The following ABCC3 variants were observed in gnomAD, a reference collection of about 807,000 sequenced individuals.
The protein encoded by ABCC3 is ATP binding cassette subfamily C member 3.
A neutral mutation model predicts 165.3 loss-of-function variants in ABCC3; 121 were observed. That is an observed-to-expected ratio of 0.73 (90% CI 0.63 to 0.85). The LOEUF (loss-of-function observed/expected upper bound fraction) is 0.85. Among genes scored for constraint, ABCC3 ranks in the 40% least tolerant of loss-of-function variants. The pLI is 0.00. For missense variants in ABCC3, 1,869 were observed against 1,964.1 expected (o/e 0.95, Z 0.92); for synonymous variants, 733 against 810.1 (o/e 0.90, Z 1.62).
intron 26 of ABCC3, among the ~76,000 whole-genome samples, chr17:50,682,545 T>C (rs1967947321): frequency 6.6e-6 from 1 of 152,072 alleles, no homozygotes; most frequent in African/African-American, 2.4e-5. Flanking sequence ...GAGCCATTTA[T>C]GCCTGCTGTT....
rs1967897800 is a variant in ABCC3, at chr17:50,679,868, G to C, written c.3776G>C (p.Arg1259Thr). The change falls in exon 26 of 31, where the codon AGG becomes ACG. Residue 1259 changes from arginine to threonine, a missense_variant. Coordinates refer to ENST00000285238, the MANE Select transcript of ABCC3 (RefSeq NM_003786.4). ...DLESNIVAVE[R>T]VKEYSKTETE... ...GAATCTAACATCGTGGCTGTGGAGA[G>C]GGTCAAGGAGTACTCCAAGACAGAG... 1 of 1,614,174 alleles carries C rather than the reference G, an allele frequency of 6.2e-7. No individual in the cohort carries two copies. Among genetic ancestry groups the C allele is most frequent in the Non-Finnish European group, 8.5e-7 (1 of 1,180,026 alleles).
At chr17:50,661,681 T>A (rs564025735) in intron 8 of ABCC3, among the ~76,000 whole-genome samples, 1 of 152,340 alleles carries the variant, frequency 6.6e-6, no homozygotes, top group East Asian at 1.9e-4. Context: ...TTATTGAACC[T>A]CCAGGGTACC....
chr17:50,675,579 C>T (rs1967783504), intron 20 of ABCC3, 52 bp from the exon 21 acceptor site: 4 of 1,564,146 alleles, frequency 2.6e-6, no homozygotes, highest in Non-Finnish European at 3.5e-6. Context: ...CAGCCTCTGT[C>T]CTGGGGGGTG....
intron 1 of ABCC3, among the ~76,000 whole-genome samples, chr17:50,637,633 C>A (rs1202929132): frequency 1.3e-5 from 2 of 152,248 alleles, no homozygotes; most frequent in East Asian, 1.9e-4. Context: ...GTAGCTCATC[C>A]TTATAGCTTC....
intron 1 of ABCC3, among the ~76,000 whole-genome samples, chr17:50,642,545 C>T (rs925022626): frequency 6.6e-6 from 1 of 152,202 alleles, no homozygotes; most frequent in African/African-American, 2.4e-5. Flanking sequence ...CCGTTGCCAT[C>T]GAAGTGCTTT....
At chr17:50,688,201 C>T (rs77160978) in intron 30 of ABCC3, among the ~76,000 whole-genome samples, 18,077 of 152,090 alleles carry the variant, frequency 0.12, 1,633 homozygotes, top group African/African-American at 0.25. Context: ...TGAGCCACTG[C>T]GCCCAGCTTC....
Position 50,675,994 on chromosome 17 carries a change from T to A in ABCC3, c.2971T>A (p.Trp991Arg). ...QSAAAIGANV[W>R]LSAWTNDAMA... is the part of the protein sequence containing the mutation. ...TGCGGCTGCCATTGGAGCCAATGTG[T>A]GGCTCAGTGCCTGGACAAATGATGC... is the stretch of plus-strand genomic sequence containing the variant. The change falls in exon 22 of 31, where the codon TGG (tryptophan) becomes AGG (arginine). Residue 991 changes from tryptophan (W) to arginine (R), a missense_variant. Transcript: ENST00000285238. 1 of 1,614,196 alleles carries A rather than the reference T, an allele frequency of 6.2e-7. No homozygotes were observed. The highest frequency in any genetic ancestry group is 8.5e-7 in the Non-Finnish European group (1 of 1,180,038).
At chr17:50,670,905 C>T (rs1967634182) in intron 17 of ABCC3, among the ~76,000 whole-genome samples, 1 of 152,162 alleles carries the variant, frequency 6.6e-6, no homozygotes, top group South Asian at 2.1e-4. Flanking sequence ...ACATGGAACA[C>T]TGGGGAAAAT....
chr17:50,664,059 T>G lies in ABCC3; in HGVS notation c.1286T>G (p.Leu429Arg). The change falls in exon 10 of 31, where the codon CTG becomes CGG. Residue 429 changes from leucine to arginine, a missense_variant. Physicochemically the swap from Leu to Arg is moderately radical, Grantham distance 102 (BLOSUM62 -2). Coordinates refer to ENST00000285238, the MANE Select transcript of ABCC3 (RefSeq NM_003786.4). ...ATGGACCTTGCCCCCTTCCTCAATC[T>G]GCTGTGGTCAGCACCCCTGCAGATC... ...RFMDLAPFLN[L>R]LWSAPLQIIL... 1 of 1,614,214 alleles carries G rather than the reference T, an allele frequency of 6.2e-7. No individual in the cohort carries two copies. The highest frequency in any genetic ancestry group is 8.5e-7 in the Non-Finnish European group (1 of 1,180,028).
chr17:50,684,951 A>T, intron 29 of ABCC3, 76 bp downstream of exon 29: 7 of 1,522,674 alleles, frequency 4.6e-6, no homozygotes, highest in Non-Finnish European at 6.2e-6. Context: ...GAAACCTGAC[A>T]CCAATGACAC....
intron 1 of ABCC3, among the ~76,000 whole-genome samples, chr17:50,649,596 GGAGAGGAGA>G (rs1319749100): frequency 4.7e-5 from 7 of 149,152 alleles, no homozygotes; most frequent in Admixed American, 2.0e-4. Context: ...AAGAAGGAGA[GGAGAGGAGA>G]GAGAGGAGAG....
chr17:50,645,913 A>C (rs1198801577), intron 1 of ABCC3, among the ~76,000 whole-genome samples: 1 of 152,334 alleles, frequency 6.6e-6, no homozygotes, highest in East Asian at 1.9e-4. Flanking sequence ...TATTTAAGCA[A>C]ATCTTTTTTC....
intron 26 of ABCC3, among the ~76,000 whole-genome samples, 197 bp from the exon 27 acceptor site, chr17:50,683,413 T>C (rs998826302): frequency 7.9e-5 from 9 of 114,024 alleles, no homozygotes; most frequent in Non-Finnish European, 1.8e-5. Context: ...GACAGGGGAG[T>C]GTTGGAGTAG....
At chr17:50,673,906 TTC>T (rs1384225560) in intron 19 of ABCC3, among the ~76,000 whole-genome samples, 9 of 10,648 alleles carry the variant, frequency 8.5e-4, no homozygotes, top group South Asian at 3.5e-3. Flanking sequence ...CCTGTTTTCT[TTC>T]TTTCTTTCTT....
intron 1 of ABCC3, among the ~76,000 whole-genome samples, chr17:50,652,647 A>G (rs1967133805): frequency 1.3e-5 from 2 of 152,192 alleles, no homozygotes. Flanking sequence ...CCAAAAATAC[A>G]CATGTTCCTC....
chr17:50,673,981 T>TTTC (rs1567835559), intron 19 of ABCC3, among the ~76,000 whole-genome samples: 2 of 3,314 alleles, frequency 6.0e-4, no homozygotes, highest in African/African-American at 1.4e-3. Flanking sequence ...TCTTTCTTTC[T>TTTC]CTCTCTCTCT....
chr17:50,664,175 A>T (rs1038425757), intron 10 of ABCC3, 64 bp downstream of exon 10: 2 of 1,590,946 alleles, frequency 1.3e-6, no homozygotes, highest in Admixed American at 3.4e-5. Flanking sequence ...GCAAGAGAGG[A>T]TTATTCTGGA....
intron 6 of ABCC3, 99 bp from the exon 7 acceptor site, chr17:50,659,138 T>C (rs1967321709): frequency 6.9e-7 from 1 of 1,444,068 alleles, no homozygotes; most frequent in Non-Finnish European, 9.5e-7. Flanking sequence ...GACCCTCCTT[T>C]CTGGAGACCC....
chr17:50,642,736 G>A (rs992797398), intron 1 of ABCC3, among the ~76,000 whole-genome samples: 17 of 152,214 alleles, frequency 1.1e-4, no homozygotes, highest in Non-Finnish European at 2.2e-4. Flanking sequence ...GGTTCTTCCT[G>A]TGGCCACTCC....
Sources: gnomAD v4.1 joint callset for allele counts (sites outside exome capture counted in the v4.1 genomes callset) on GRCh38, gnomAD v4.1.1 for gene constraint, MANE v1.5 for transcripts, NCBI Gene and HGNC (gene_info 2026-07-23, HGNC 2026-07-21) for gene names.